Variants in ITPR2 observed in about 807,000 individuals in gnomAD.
ITPR2 encodes inositol 1,4,5-trisphosphate receptor type 2, also known as inositol 1,4,5-trisphosphate-gated calcium channel ITPR2.
ITPR2 carries 207 observed loss-of-function variants against 317.1 expected under a neutral mutation model. That is an observed-to-expected ratio of 0.65 (90% CI 0.58 to 0.73). The LOEUF is 0.73. Among genes scored for constraint, ITPR2 ranks in the 30% least tolerant of loss-of-function variants. ITPR2 has a pLI of 0.00. For missense variants in ITPR2, 2,613 were observed against 3,284.0 expected (o/e 0.80, Z 4.99); for synonymous variants, 1,156 against 1,149.1 (o/e 1.01, Z -0.12).
intron 2 of ITPR2, among the ~76,000 whole-genome samples, chr12:26,753,426 G>A (rs1297254284): frequency 6.6e-6 from 1 of 152,122 alleles, no homozygotes; most frequent in African/African-American, 2.4e-5. Context: ...CACCCTAAAA[G>A]GGGAAACTTG....
At chr12:26,681,809 T>C (rs1016577010) in intron 13 of ITPR2, 65 bp downstream of exon 13, 1 of 1,173,388 alleles carries the variant, frequency 8.5e-7, no homozygotes, top group Non-Finnish European at 1.3e-6. Flanking sequence ...CATTCATTCA[T>C]ATCAGGCTTA....
intron 2 of ITPR2, among the ~76,000 whole-genome samples, chr12:26,740,464 A>T (rs918852231): frequency 2.6e-5 from 4 of 152,228 alleles, no homozygotes; most frequent in Non-Finnish European, 4.4e-5. Context: ...AGAAAAGAGG[A>T]AGGCAGATCA....
At position 26,705,526 on chromosome 12, in the gene ITPR2, C is replaced by T. The variant is rs746234737; in HGVS notation, c.951+5647G>A. Among the ~76,000 whole-genome samples, 7 of 152,172 alleles carry T rather than the reference C, an allele frequency of 4.6e-5. No homozygotes were observed. The South Asian group carries it at 6.2e-4, about 13-fold the overall frequency. ...CTCTTTCTACTCCCTAATGATCTTA[C>T]CTGCGCTCTGAAAACCCAAATCTAA... is the stretch of plus-strand genomic sequence containing the variant. On this transcript the variant is annotated intron_variant, in intron 9 of 56. Coordinates refer to ENST00000381340, the MANE Select transcript of ITPR2 (RefSeq NM_002223.4).
intron 37 of ITPR2, among the ~76,000 whole-genome samples, chr12:26,538,225 T>C (rs542281015): frequency 1.3e-5 from 2 of 152,230 alleles, no homozygotes; most frequent in Non-Finnish European, 2.9e-5. Context: ...AGGTCTTCAA[T>C]GTGTTATGAT....
intron 9 of ITPR2, 151 bp from the exon 10 acceptor site, chr12:26,695,801 A>G (rs1948334870): frequency 1.5e-5 from 9 of 612,048 alleles, no homozygotes. Context: ...ATGACAATTT[A>G]AAATACTACC....
intron 37 of ITPR2, among the ~76,000 whole-genome samples, chr12:26,547,369 C>T (rs566299291): frequency 6.6e-6 from 1 of 152,102 alleles, no homozygotes; most frequent in African/African-American, 2.4e-5. Context: ...CTTTCCCCAG[C>T]CAGAATGGCT....
At chr12:26,694,212 A>C (rs1018518848) in intron 10 of ITPR2, among the ~76,000 whole-genome samples, 17 of 152,214 alleles carry the variant, frequency 1.1e-4, no homozygotes, top group Admixed American at 2.0e-4. Context: ...GTGATGGATC[A>C]AGACAAAACA....
chr12:26,636,635 G>A (rs1395935637), intron 21 of ITPR2, among the ~76,000 whole-genome samples: 1 of 151,684 alleles, frequency 6.6e-6, no homozygotes, highest in Non-Finnish European at 1.5e-5. Context: ...TTTTCAAAAA[G>A]CATACATAAT....
chr12:26,591,150 C>T (rs1292685814), intron 32 of ITPR2, among the ~76,000 whole-genome samples: 1 of 149,296 alleles, frequency 6.7e-6, no homozygotes, highest in African/African-American at 2.5e-5. Flanking sequence ...AGAGATAATC[C>T]ACAGAATGAG....
At chr12:26,805,726 G>A (rs1398401406) in intron 1 of ITPR2, among the ~76,000 whole-genome samples, 3 of 150,356 alleles carry the variant, frequency 2.0e-5, no homozygotes, top group Non-Finnish European at 1.5e-5. Flanking sequence ...CATAAAACAC[G>A]GCTCTACAGT....
At chr12:26,688,982 A>G (rs138296862) in intron 10 of ITPR2, among the ~76,000 whole-genome samples, 3 of 152,344 alleles carry the variant, frequency 2.0e-5, no homozygotes, top group African/African-American at 7.2e-5. Flanking sequence ...AAGAGAGTCA[A>G]TTTTAGGTAT....
intron 41 of ITPR2, 93 bp downstream of exon 41, chr12:26,486,011 T>G (rs912157408): frequency 3.7e-6 from 5 of 1,350,292 alleles, no homozygotes; most frequent in Admixed American, 3.7e-5. Context: ...CTTTCTAAAA[T>G]GCTCTCCGAA....
chr12:26,717,736 G>A (rs889481070), intron 5 of ITPR2, among the ~76,000 whole-genome samples: 5 of 152,172 alleles, frequency 3.3e-5, no homozygotes, highest in Non-Finnish European at 7.4e-5. Context: ...AAGAAGAGTA[G>A]AAATCGGACA....
intron 2 of ITPR2, among the ~76,000 whole-genome samples, chr12:26,784,611 C>T (rs866716110): frequency 1.3e-5 from 2 of 151,820 alleles, no homozygotes; most frequent in African/African-American, 2.4e-5. Context: ...CCCGAGGTGC[C>T]GGGATTGCAG....
chr12:26,501,702 T>C (rs1943076818), intron 37 of ITPR2, among the ~76,000 whole-genome samples: 1 of 152,228 alleles, frequency 6.6e-6, no homozygotes, highest in Non-Finnish European at 1.5e-5. Context: ...AAATATTCAT[T>C]CACCATAATG....
intron 37 of ITPR2, among the ~76,000 whole-genome samples, chr12:26,520,569 G>T (rs1943636298): frequency 6.6e-6 from 1 of 152,164 alleles, no homozygotes; most frequent in South Asian, 2.1e-4. Flanking sequence ...CCAGCCACAT[G>T]GGACCTCTCA....
intron 3 of ITPR2, 147 bp from the exon 4 acceptor site, chr12:26,724,889 T>G: frequency 1.8e-6 from 1 of 569,386 alleles, no homozygotes; most frequent in Non-Finnish European, 3.1e-6. Context: ...AGTTTAGGTG[T>G]TTTGTTTTGC....
chr12:26,653,552 G>A (rs543516139), intron 21 of ITPR2, among the ~76,000 whole-genome samples: 3 of 152,182 alleles, frequency 2.0e-5, no homozygotes, highest in Non-Finnish European at 2.9e-5. Flanking sequence ...CCTTGCATCC[G>A]TCTAAGCTCT....
chr12:26,781,564 T>G (rs1005433094), intron 2 of ITPR2, among the ~76,000 whole-genome samples: 1 of 152,182 alleles, frequency 6.6e-6, no homozygotes, highest in African/African-American at 2.4e-5. Flanking sequence ...CTTATTATTG[T>G]CTTTATTTGA....
Sources: allele counts gnomAD v4.1 joint callset (sites outside exome capture counted in the v4.1 genomes callset), GRCh38; gene constraint gnomAD v4.1.1; transcripts MANE v1.5; gene names NCBI Gene and HGNC (gene_info 2026-07-23, HGNC 2026-07-21).